SCHIP1: variants seen among roughly 807,000 people sequenced by gnomAD.
The protein encoded by SCHIP1 is schwannomin interacting protein 1.
A neutral mutation model predicts 29.7 loss-of-function variants in SCHIP1; 8 were observed. The observed-to-expected ratio is 0.27, with a 90% CI of 0.16 to 0.49. SCHIP1 has a LOEUF of 0.49. Ranked by LOEUF, SCHIP1 falls within the 20% of genes least tolerant of loss-of-function variation. SCHIP1 has a pLI of 0.99. For missense variants in SCHIP1, 193 were observed against 294.6 expected (o/e 0.66, Z 2.52); for synonymous variants, 76 against 94.9 (o/e 0.80, Z 1.16).
the SCHIP1 span, among the ~76,000 whole-genome samples, chr3:159,426,556 A>G: frequency 1.3e-5 from 2 of 152,230 alleles, no homozygotes; most frequent in Middle Eastern, 3.2e-3. Flanking sequence ...CTTACCAACG[A>G]AAAAGAGTCC....
the SCHIP1 span, among the ~76,000 whole-genome samples, chr3:159,469,839 A>G: frequency 6.6e-6 from 1 of 152,220 alleles, no homozygotes; most frequent in Non-Finnish European, 1.5e-5. Context: ...AAATATAACT[A>G]GATAACCCAA....
chr3:159,793,220 T>G, the SCHIP1 span, among the ~76,000 whole-genome samples: 2 of 152,278 alleles, frequency 1.3e-5, no homozygotes, highest in East Asian at 1.9e-4. Flanking sequence ...AGCATTAGTG[T>G]GTGTACTCTT....
the SCHIP1 span, among the ~76,000 whole-genome samples, chr3:159,282,066 C>T: frequency 6.6e-6 from 1 of 151,960 alleles, no homozygotes; most frequent in Non-Finnish European, 1.5e-5. Flanking sequence ...TATGAAATCA[C>T]ATAGACATAT....
At chr3:159,413,717 GC>G in the SCHIP1 span, among the ~76,000 whole-genome samples, 2 of 152,088 alleles carry the variant, frequency 1.3e-5, no homozygotes, top group Non-Finnish European at 2.9e-5. Context: ...CATTGACCTG[GC>G]TACCTTTCCA....
chr3:159,480,350 T>C, the SCHIP1 span, among the ~76,000 whole-genome samples: 21,150 of 152,130 alleles, frequency 0.14, 1,540 homozygotes, highest in Middle Eastern at 0.16. Context: ...TCACTGGTAG[T>C]TGATCCTGGG....
chr3:159,532,584 T>C, the SCHIP1 span, among the ~76,000 whole-genome samples: 4 of 152,206 alleles, frequency 2.6e-5, no homozygotes, highest in African/African-American at 9.6e-5. Context: ...AAAGTAAATG[T>C]AATGGAGTTT....
chr3:159,799,640 AACGTATGGAAGACTTAAGCTGAG>A, the SCHIP1 span, among the ~76,000 whole-genome samples: 1 of 152,198 alleles, frequency 6.6e-6, no homozygotes, highest in African/African-American at 2.4e-5. Flanking sequence ...TAGTGGTGAG[AACGTATGGAAGACTTAAGCTGAG>A]ACCTGATGAG....
the SCHIP1 span, among the ~76,000 whole-genome samples, chr3:159,797,043 C>A: frequency 6.6e-6 from 1 of 152,146 alleles, no homozygotes; most frequent in Non-Finnish European, 1.5e-5. Flanking sequence ...AACCTCAAAC[C>A]CTTCACAATT....
chr3:159,376,128 C>CTGTT, the SCHIP1 span, among the ~76,000 whole-genome samples: 1,708 of 152,166 alleles, frequency 0.011, 19 homozygotes, highest in South Asian at 0.033. Flanking sequence ...CCAAAAAGCC[C>CTGTT]TGTTAGGTAA....
chr3:159,713,194 GAGAA>G, the SCHIP1 span, among the ~76,000 whole-genome samples: 94 of 117,002 alleles, frequency 8.0e-4, 1 homozygote, highest in Middle Eastern at 5.3e-3. Flanking sequence ...AGGAAAGAAA[GAGAA>G]AGAAAGAAAG....
the SCHIP1 span, among the ~76,000 whole-genome samples, chr3:159,285,819 G>A: frequency 3.3e-5 from 5 of 152,026 alleles, no homozygotes; most frequent in Non-Finnish European, 7.4e-5. Context: ...CCTACTCCTT[G>A]CTGGGCATTG....
the SCHIP1 span, among the ~76,000 whole-genome samples, chr3:159,597,692 G>C: frequency 5.8e-3 from 886 of 152,202 alleles, 8 homozygotes; most frequent in African/African-American, 0.02. Flanking sequence ...TGGAAATTTA[G>C]GGTGTTTCCA....
At chr3:159,417,480 A>C in the SCHIP1 span, among the ~76,000 whole-genome samples, 1 of 152,112 alleles carries the variant, frequency 6.6e-6, no homozygotes. Context: ...AATCCCACCC[A>C]CCTCCACAAA....
At chr3:159,522,853 G>A in the SCHIP1 span, among the ~76,000 whole-genome samples, 1 of 152,246 alleles carries the variant, frequency 6.6e-6, no homozygotes, top group Middle Eastern at 3.4e-3. Flanking sequence ...CGGCGACAGA[G>A]CGAGACTCTG....
At chr3:159,711,985 G>A in the SCHIP1 span, among the ~76,000 whole-genome samples, 2 of 151,438 alleles carry the variant, frequency 1.3e-5, no homozygotes, top group African/African-American at 4.8e-5. Flanking sequence ...CCAGAGCCAT[G>A]CTTCACCCAT....
chr3:159,586,991 C>T, the SCHIP1 span, among the ~76,000 whole-genome samples: 1 of 152,162 alleles, frequency 6.6e-6, no homozygotes, highest in East Asian at 1.9e-4. Context: ...CTTCTCTCCA[C>T]ACCTGGGAAA....
chr3:159,547,432 G>T, the SCHIP1 span, among the ~76,000 whole-genome samples: 1 of 152,152 alleles, frequency 6.6e-6, no homozygotes, highest in Non-Finnish European at 1.5e-5. Context: ...GATCCCATTT[G>T]TCTATTTTGG....
chr3:159,503,268 C>A, the SCHIP1 span, among the ~76,000 whole-genome samples: 1 of 152,210 alleles, frequency 6.6e-6, no homozygotes, highest in South Asian at 2.1e-4. Context: ...ACTATTTGTT[C>A]TTTTCCTTTT....
At chr3:159,475,425 GGAGAAAT>G in the SCHIP1 span, among the ~76,000 whole-genome samples, 1 of 152,148 alleles carries the variant, frequency 6.6e-6, no homozygotes. Flanking sequence ...CTGGAGAAAG[GGAGAAAT>G]GGGAAATGAT....
Sources: allele counts gnomAD v4.1 joint callset (sites outside exome capture counted in the v4.1 genomes callset), GRCh38; gene constraint gnomAD v4.1.1; transcripts MANE v1.5; gene names NCBI Gene and HGNC (gene_info 2026-07-23, HGNC 2026-07-21).